The following PHLDB2 variants were observed in gnomAD, a reference collection of about 807,000 sequenced individuals.
PHLDB2 encodes the protein pleckstrin homology like domain family B member 2.
Under a neutral mutation model 123.6 loss-of-function variants are expected in PHLDB2, and 71 were observed. That is an observed-to-expected ratio of 0.57 (90% CI 0.47 to 0.70). The LOEUF is 0.70. Among genes scored for constraint, PHLDB2 ranks in the 30% least tolerant of loss-of-function variants. The probability of loss-of-function intolerance (pLI) is 0.00; values close to 1 mark genes in which losing one functional copy is unlikely to be tolerated. For missense variants in PHLDB2, 1,446 were observed against 1,519.5 expected (o/e 0.95, Z 0.80); for synonymous variants, 547 against 541.6 (o/e 1.01, Z -0.14).
At chr3:111,937,969 C>T (rs1181414090) in intron 6 of PHLDB2, among the ~76,000 whole-genome samples, 1 of 152,008 alleles carries the variant, frequency 6.6e-6, no homozygotes, top group Non-Finnish European at 1.5e-5. Flanking sequence ...CTTCAAGTAC[C>T]TCATAGGTTA....
At chr3:111,861,190 A>G (rs374643979) in intron 1 of PHLDB2, among the ~76,000 whole-genome samples, 2 of 152,202 alleles carry the variant, frequency 1.3e-5, no homozygotes, top group Non-Finnish European at 2.9e-5. Flanking sequence ...CAGAATGGCT[A>G]TATCTCTCTT....
chr3:111,797,497 T>C (rs1406308094), intron 1 of PHLDB2, among the ~76,000 whole-genome samples: 1 of 152,242 alleles, frequency 6.6e-6, no homozygotes. Context: ...ACTGCCTTAC[T>C]TGAAAGCAAT....
At chr3:111,971,795 A>G (rs986955173) in intron 16 of PHLDB2, among the ~76,000 whole-genome samples, 2 of 152,202 alleles carry the variant, frequency 1.3e-5, no homozygotes, top group Non-Finnish European at 2.9e-5. Context: ...AGGAGCTGCA[A>G]ATGTGAACAC....
rs138812697 is a variant in PHLDB2 at position 111,829,683 on chromosome 3, C to T, written c.-48-16138C>T. Among the ~76,000 whole-genome samples the T allele has an allele frequency of 2.0e-3, 307 of 151,822 alleles. 1 individual carries two copies. Among genetic ancestry groups the T allele is most frequent in the African/African-American group, 6.0e-3 (249 of 41,410 alleles). On this transcript the variant is annotated intron_variant, in intron 1 of 17. Coordinates refer to the PHLDB2 transcript ENST00000393923. ...TTCACCATGTTGGTCAGGGTGGTCT[C>T]GAACTCCTGACCTGGTGATCCGCCC... is the stretch of plus-strand genomic sequence containing the variant.
At chr3:111,890,910 G>A (rs1470765747) in intron 2 of PHLDB2, among the ~76,000 whole-genome samples, 2 of 152,120 alleles carry the variant, frequency 1.3e-5, no homozygotes, top group Non-Finnish European at 2.9e-5. Context: ...ATTTTTGCCA[G>A]CCTTTTCGTT....
At chr3:111,807,556 C>CA (rs2061647696) in intron 1 of PHLDB2, among the ~76,000 whole-genome samples, 1 of 151,698 alleles carries the variant, frequency 6.6e-6, no homozygotes, top group African/African-American at 2.4e-5. Context: ...CCCATCTCTA[C>CA]AAAAAAATAA....
intron 16 of PHLDB2, among the ~76,000 whole-genome samples, chr3:111,972,503 CTT>C (rs1553756723): frequency 7.3e-6 from 1 of 136,378 alleles, no homozygotes; most frequent in Non-Finnish European, 1.7e-5. Flanking sequence ...AAGTAAGTCT[CTT>C]TATCATTACA....
chr3:111,943,787 G>A (rs1362050363), intron 8 of PHLDB2, among the ~76,000 whole-genome samples: 3 of 152,124 alleles, frequency 2.0e-5, no homozygotes, highest in Non-Finnish European at 4.4e-5. Context: ...TTGCTGACTT[G>A]AGTGTAAAAT....
At chr3:111,961,980 A>G (rs1336488483) in intron 12 of PHLDB2, 128 bp from the exon 13 acceptor site, 2 of 878,064 alleles carry the variant, frequency 2.3e-6, no homozygotes, top group Non-Finnish European at 3.5e-6. Context: ...CTTGGCTTCA[A>G]AACAAATTAG....
At chr3:111,901,782 G>T (rs1217335566) in intron 2 of PHLDB2, among the ~76,000 whole-genome samples, 1 of 152,110 alleles carries the variant, frequency 6.6e-6, no homozygotes, top group South Asian at 2.1e-4. Context: ...TAACAGAATG[G>T]GCTCAGGCAC....
In PHLDB2 at chr3:111,920,347, G is replaced by A. The variant is rs748315998; in HGVS notation, c.1929G>A (p.Glu643=). 17 of 1,613,946 alleles carry A rather than the reference G, an allele frequency of 1.1e-5. No individual in the cohort carries two copies. Among genetic ancestry groups the A allele is most frequent in the Admixed American group, 3.3e-5 (2 of 59,992 alleles). Reference sequence around the variant, plus strand: ...CTGAAACAACTGAACTTATGAAGGAGAAGGAGATTTTGGATCATCTAAACC... The same window carrying A: ...CTGAAACAACTGAACTTATGAAGGAAAAGGAGATTTTGGATCATCTAAACC... ...QKSETTELMK[E]KEILDHLNRK... The change falls in exon 5 of 18, where the codon GAG becomes GAA. Residue 643 remains glutamate, a synonymous_variant. Coordinates refer to ENST00000431670, the MANE Select transcript of PHLDB2 (RefSeq NM_001134438.2).
chr3:111,976,370 T>C lies in PHLDB2; in HGVS notation c.*1807T>C, dbSNP rs2072477602. ...ATGTAAAGTTTGTTGTGTGCTAACATTATGATTTGTAGTGTATAAACTGAA... is the reference window on the plus strand; with the variant it reads ...ATGTAAAGTTTGTTGTGTGCTAACACTATGATTTGTAGTGTATAAACTGAA... On this transcript the variant is annotated 3_prime_UTR_variant, in exon 18 of 18. Transcript: ENST00000431670. 1 of 152,202 alleles carries C rather than the reference T, an allele frequency of 6.6e-6. No individual in the cohort carries two copies. Among genetic ancestry groups the C allele is most frequent in the Admixed American group, 6.5e-5 (1 of 15,280 alleles). 9.4% of individuals were successfully genotyped at this position (152,202 alleles called of 1,614,324 possible). A position where few individuals can be genotyped will look rare whatever the true frequency, so the allele number is the denominator to read the frequency against.
Position 111,969,825 on chromosome 3 carries a change from A to C in PHLDB2, c.3451A>C (p.Ile1151Leu). 6 of 1,614,126 alleles carry C rather than the reference A, an allele frequency of 3.7e-6. No homozygotes were observed. The highest frequency in any genetic ancestry group is 4.2e-6 in the Non-Finnish European group (5 of 1,179,958). ...ITEKTCRGFL[I>L]KMGGKIKTWK... ...AGAGAAGACCTGCCGAGGATTCCTC[A>C]TCAAAATGGGTGGGAAAATTAAAAC... is the stretch of plus-strand genomic sequence containing the variant. Residue 1151 changes from isoleucine (I) to leucine (L), a missense_variant, in exon 16 of 18, where the codon ATC becomes CTC. This residue lies in a region of PHLDB2 where 594 missense variants were observed against 646.0 expected (regional missense o/e 0.92). Coordinates refer to ENST00000431670, the MANE Select transcript of PHLDB2 (RefSeq NM_001134438.2).
At chr3:111,794,652 A>T (rs933863438) in intron 1 of PHLDB2, among the ~76,000 whole-genome samples, 1 of 152,240 alleles carries the variant, frequency 6.6e-6, no homozygotes, top group African/African-American at 2.4e-5. Context: ...ACAAAAATGT[A>T]TAAGAGTATG....
chr3:111,958,281 T>A, intron 12 of PHLDB2: 1 of 989,246 alleles, frequency 1.0e-6, no homozygotes, highest in Non-Finnish European at 1.2e-6. Flanking sequence ...TTAGGAAGAA[T>A]GAATTCCTCA....
chr3:111,859,245 A>G, upstream of PHLDB2: 1 of 983,332 alleles, frequency 1.0e-6, no homozygotes, highest in Non-Finnish European at 1.2e-6. Flanking sequence ...TCTTAAAAAA[A>G]GCCTGCCACG....
At chr3:111,953,593 G>C (rs576416950) in intron 11 of PHLDB2, among the ~76,000 whole-genome samples, 1 of 152,108 alleles carries the variant, frequency 6.6e-6, no homozygotes, top group Non-Finnish European at 1.5e-5. Context: ...TGCATGGTGC[G>C]CATGCATTCT....
At chr3:111,876,802 T>C (rs893079866) in intron 1 of PHLDB2, among the ~76,000 whole-genome samples, 32 of 152,288 alleles carry the variant, frequency 2.1e-4, no homozygotes, top group African/African-American at 6.0e-4. Flanking sequence ...CTCCCACTTA[T>C]GAGTGAGAAC....
At chr3:111,972,037 T>A (rs2072225351) in intron 16 of PHLDB2, among the ~76,000 whole-genome samples, 1 of 152,248 alleles carries the variant, frequency 6.6e-6, no homozygotes. Context: ...GTGAGGCTTA[T>A]ATTTTTCAGA....
Sources: allele counts gnomAD v4.1 joint callset (sites outside exome capture counted in the v4.1 genomes callset), GRCh38; gene constraint gnomAD v4.1.1; regional missense constraint gnomAD v4.1.1; transcripts MANE v1.5; gene names NCBI Gene and HGNC (gene_info 2026-07-23, HGNC 2026-07-21).